The following TENM3 variants were observed in gnomAD, a reference collection of about 807,000 sequenced individuals.
TENM3 encodes teneurin-3.
In TENM3, 63 loss-of-function variants were observed where a neutral mutation model predicts 255.1. That is an observed-to-expected ratio of 0.25 (90% confidence interval 0.20 to 0.30). TENM3 has a LOEUF of 0.30. TENM3 is among the 10% of genes least tolerant of loss of function. TENM3 has a pLI of 1.00. For missense variants in TENM3, 2,929 were observed against 3,461.1 expected, an observed-to-expected ratio of 0.85 and a Z score of 3.86; for synonymous variants, 1,306 against 1,322.3, an observed-to-expected ratio of 0.99 and a Z score of 0.27.
the TENM3 span, among the ~76,000 whole-genome samples, chr4:181,639,064 G>T: frequency 6.6e-6 from 1 of 151,970 alleles, no homozygotes; most frequent in Non-Finnish European, 1.5e-5. Context: ...TTGACTGTTT[G>T]GGAATACTTC....
At chr4:182,620,456 G>T (rs1750008140) in intron 4 of TENM3, among the ~76,000 whole-genome samples, 1 of 152,140 alleles carries the variant, frequency 6.6e-6, no homozygotes, top group Non-Finnish European at 1.5e-5. Context: ...AAAACTAACA[G>T]AGTCCTGCGA....
chr4:182,057,069 G>T, the TENM3 span, among the ~76,000 whole-genome samples: 1 of 151,468 alleles, frequency 6.6e-6, no homozygotes, highest in Non-Finnish European at 1.5e-5. Flanking sequence ...TTGTCAACAG[G>T]AGGCATTGCA....
the TENM3 span, among the ~76,000 whole-genome samples, chr4:181,570,107 A>G: frequency 0.028 from 3,994 of 143,446 alleles, 52 homozygotes; most frequent in Non-Finnish European, 0.041. Flanking sequence ...CTGCAGTGGC[A>G]CAATCTCGGC....
At chr4:181,998,857 C>T in the TENM3 span, among the ~76,000 whole-genome samples, 21 of 152,132 alleles carry the variant, frequency 1.4e-4, no homozygotes, top group Admixed American at 1.1e-3. Context: ...TATCAGACTG[C>T]CCTGGTCAAA....
Position 182,281,147 on chromosome 4 carries a change from T to C in TENM3, c.-76+37671T>C, listed in dbSNP as rs377223577. Among the ~76,000 whole-genome samples the C allele has an allele frequency of 7.7e-4, 118 of 152,344 alleles. 1 individual carries two copies. In the South Asian group the frequency reaches 0.023, roughly 30 times the overall value. ...AAGTTGTAAAGCTATCATTTTTTTC[T>C]TTAATAGGGATTATCCAGCCACACT... On this transcript the variant is annotated intron_variant, in intron 1 of 27. Transcript: ENST00000511685.
intron 3 of TENM3, among the ~76,000 whole-genome samples, chr4:182,577,802 A>G (rs1745081936): frequency 6.6e-6 from 1 of 152,206 alleles, no homozygotes; most frequent in Non-Finnish European, 1.5e-5. Context: ...TTCCTCAAGT[A>G]CTCAGAAACT....
At chr4:182,156,011 AT>A (rs56399249) in intron 1 of TENM3, among the ~76,000 whole-genome samples, 33,849 of 118,568 alleles carry the variant, frequency 0.29, 3,068 homozygotes, top group African/African-American at 0.37. Flanking sequence ...CTGTTTGAGG[AT>A]TTTTTTTTTT....
At chr4:181,859,737 T>C in the TENM3 span, among the ~76,000 whole-genome samples, 1 of 152,170 alleles carries the variant, frequency 6.6e-6, no homozygotes, top group African/African-American at 2.4e-5. Context: ...AAAGCTTGAA[T>C]TGCAAAAACA....
the TENM3 span, among the ~76,000 whole-genome samples, chr4:181,453,490 T>A: frequency 6.6e-6 from 1 of 152,038 alleles, no homozygotes; most frequent in Admixed American, 6.6e-5. Flanking sequence ...TGCCATCCGA[T>A]GACAGAAGTG....
intron 16 of TENM3, among the ~76,000 whole-genome samples, chr4:182,735,992 A>G (rs1761131808): frequency 6.6e-6 from 1 of 152,170 alleles, no homozygotes; most frequent in African/African-American, 2.4e-5. Context: ...GTCCAGTTTC[A>G]AATAAAAAAG....
intron 3 of TENM3, among the ~76,000 whole-genome samples, chr4:182,368,778 C>G (rs959733913): frequency 1.3e-5 from 2 of 152,146 alleles, no homozygotes; most frequent in African/African-American, 4.8e-5. Flanking sequence ...TTTCTTCCCC[C>G]AGATTGCAAG....
intron 3 of TENM3, among the ~76,000 whole-genome samples, chr4:182,567,377 G>A (rs898481052): frequency 1.3e-5 from 2 of 152,090 alleles, no homozygotes; most frequent in African/African-American, 2.4e-5. Flanking sequence ...TGCCCACCAC[G>A]TCTGTTCTCA....
At chr4:182,051,139 T>G in the TENM3 span, among the ~76,000 whole-genome samples, 1 of 151,418 alleles carries the variant, frequency 6.6e-6, no homozygotes, top group Non-Finnish European at 1.5e-5. Context: ...AGGTCAGGAG[T>G]TCAACACCAG....
the TENM3 span, among the ~76,000 whole-genome samples, chr4:181,999,735 C>T: frequency 7.2e-5 from 11 of 152,124 alleles, no homozygotes; most frequent in Middle Eastern, 3.4e-3. Flanking sequence ...AAGTTTCATT[C>T]GCAACAAAAT....
the TENM3 span, among the ~76,000 whole-genome samples, chr4:182,110,510 A>G: frequency 6.6e-6 from 1 of 151,586 alleles, no homozygotes; most frequent in Non-Finnish European, 1.5e-5. Context: ...TTCTTTTGTA[A>G]AGACTGGGTT....
chr4:181,474,392 T>C, the TENM3 span, among the ~76,000 whole-genome samples: 1 of 152,144 alleles, frequency 6.6e-6, no homozygotes, highest in African/African-American at 2.4e-5. Flanking sequence ...TATTCATCCA[T>C]TCAATGAATA....
At chr4:182,576,185 T>C (rs1744898561) in intron 3 of TENM3, among the ~76,000 whole-genome samples, 1 of 152,204 alleles carries the variant, frequency 6.6e-6, no homozygotes, top group African/African-American at 2.4e-5. Flanking sequence ...TTCAGTTCCC[T>C]AGCAAAACCA....
chr4:181,804,983 T>C, the TENM3 span, among the ~76,000 whole-genome samples: 176 of 152,160 alleles, frequency 1.2e-3, 1 homozygote, highest in Middle Eastern at 0.02. Flanking sequence ...GTCCCCTGAT[T>C]CTCCTCCATC....
chr4:182,577,425 G>A (rs1317951641), intron 3 of TENM3, among the ~76,000 whole-genome samples: 1 of 152,154 alleles, frequency 6.6e-6, no homozygotes, highest in Non-Finnish European at 1.5e-5. Context: ...ATAAATGAAG[G>A]CAAGAATTGT....
Sources: allele counts gnomAD v4.1 joint callset (sites outside exome capture counted in the v4.1 genomes callset), GRCh38; gene constraint gnomAD v4.1.1; transcripts MANE v1.5; gene names NCBI Gene and HGNC (gene_info 2026-07-23, HGNC 2026-07-21).